CSMD3: variants seen among roughly 807,000 people sequenced by gnomAD.
The protein encoded by CSMD3 is CUB and Sushi multiple domains 3.
A neutral mutation model predicts 435.2 loss-of-function variants in CSMD3; 177 were observed. That is an observed-to-expected ratio of 0.41 (90% CI 0.36 to 0.46). CSMD3 has a LOEUF of 0.46. CSMD3 is among the 20% of genes least tolerant of loss of function. CSMD3 has a pLI of 0.34. For synonymous variants in CSMD3, 1,656 were observed against 1,520.5 expected (o/e 1.09, Z -2.07); for missense variants, 4,265 against 4,504.6 (o/e 0.95, Z 1.52).
intron 4 of CSMD3, among the ~76,000 whole-genome samples, chr8:113,133,844 TA>T (rs1564351830): frequency 6.6e-6 from 1 of 152,038 alleles, no homozygotes; most frequent in East Asian, 1.9e-4. Flanking sequence ...CTATCTGAAA[TA>T]GTCAAATTAA....
In CSMD3 at chr8:112,639,319, C is replaced by T. The variant is rs566743545; in HGVS notation, c.3311-408G>A. Among the ~76,000 whole-genome samples the T allele has an allele frequency of 4.6e-5, 7 of 152,180 alleles. No individual in the cohort carries two copies. In the East Asian group the frequency reaches 1.4e-3, roughly 29 times the overall value. On this transcript the variant is annotated intron_variant, in intron 20 of 70. Transcript: ENST00000297405. ...AAAAGCAATGCTTAATATTATAGCA[C>T]TTAACTTCCAAATATGCTTGTTTAT...
At chr8:112,257,288 C>G (rs1815902475) in intron 61 of CSMD3, among the ~76,000 whole-genome samples, 1 of 152,088 alleles carries the variant, frequency 6.6e-6, no homozygotes, top group Non-Finnish European at 1.5e-5. Flanking sequence ...CCAGAGTGAT[C>G]AGGCAAGATA....
At chr8:112,600,793 T>A (rs1224167413) in intron 22 of CSMD3, among the ~76,000 whole-genome samples, 1 of 151,996 alleles carries the variant, frequency 6.6e-6, no homozygotes, top group African/African-American at 2.4e-5. Context: ...TTCTCCTGCC[T>A]CAGCCTGCTG....
At chr8:113,399,384 G>A (rs1321557051) in intron 1 of CSMD3, among the ~76,000 whole-genome samples, 1 of 151,424 alleles carries the variant, frequency 6.6e-6, no homozygotes, top group East Asian at 1.9e-4. Context: ...CTTCTTAACA[G>A]CACTGTTATA....
rs577147576 is a variant in CSMD3, at chr8:112,514,719, C to T, written c.4756+2315G>A. ...CTTCTGTTTGGTACTTGCTATAAGA[C>T]TGACTGTTTCTATATGCAAGCAAGC... On this transcript the variant is annotated intron_variant, in intron 28 of 70. Transcript: ENST00000297405. Among the ~76,000 whole-genome samples the T allele has an allele frequency of 5.9e-4, 89 of 152,096 alleles. 1 individual carries two copies. The South Asian group carries it at 7.5e-3, about 13-fold the overall frequency.
At chr8:112,307,403 T>A (rs906581444) in intron 50 of CSMD3, among the ~76,000 whole-genome samples, 1 of 152,060 alleles carries the variant, frequency 6.6e-6, no homozygotes, top group African/African-American at 2.4e-5. Context: ...ACCTTCAGCC[T>A]CCTGAGTATC....
At chr8:113,160,998 C>T (rs1457264199) in intron 4 of CSMD3, among the ~76,000 whole-genome samples, 2 of 152,062 alleles carry the variant, frequency 1.3e-5, no homozygotes, top group African/African-American at 4.8e-5. Flanking sequence ...GGAATTAAAT[C>T]TGGCCTTTGG....
chr8:113,170,559 A>T (rs1221111192), intron 4 of CSMD3, among the ~76,000 whole-genome samples: 2 of 152,124 alleles, frequency 1.3e-5, no homozygotes, highest in Non-Finnish European at 1.5e-5. Flanking sequence ...CTTGCACTCA[A>T]TGGGCGATAT....
At chr8:112,665,251 T>C (rs1460070545) in intron 17 of CSMD3, among the ~76,000 whole-genome samples, 1 of 152,186 alleles carries the variant, frequency 6.6e-6, no homozygotes, top group South Asian at 2.1e-4. Context: ...CATACGAAGC[T>C]CTTCATATTT....
chr8:112,470,996 A>T (rs1318116954), intron 32 of CSMD3, among the ~76,000 whole-genome samples: 1 of 152,178 alleles, frequency 6.6e-6, no homozygotes, highest in Non-Finnish European at 1.5e-5. Context: ...AATTCAACTT[A>T]TATTAACCCT....
At chr8:112,361,531 G>A (rs1827202174) in intron 38 of CSMD3, among the ~76,000 whole-genome samples, 1 of 145,868 alleles carries the variant, frequency 6.9e-6, no homozygotes, top group South Asian at 2.1e-4. Flanking sequence ...TTCTGAATGT[G>A]TGTGTGTAAA....
At chr8:112,956,970 T>A (rs2084040849) in intron 7 of CSMD3, among the ~76,000 whole-genome samples, 1 of 152,074 alleles carries the variant, frequency 6.6e-6, no homozygotes, top group Admixed American at 6.6e-5. Context: ...ATTAACAACA[T>A]AAAATTTAAA....
intron 13 of CSMD3, among the ~76,000 whole-genome samples, chr8:112,708,232 G>A (rs1290685172): frequency 1.3e-5 from 2 of 151,944 alleles, no homozygotes; most frequent in Admixed American, 1.3e-4. Flanking sequence ...AGTAATTATA[G>A]TACAGAAGAA....
chr8:113,397,815 G>A (rs1444188333), intron 1 of CSMD3, among the ~76,000 whole-genome samples: 3 of 139,018 alleles, frequency 2.2e-5, no homozygotes, highest in East Asian at 2.1e-4. Context: ...GCGAGAGTCC[G>A]TCTCAAAAAT....
At chr8:112,501,986 A>G (rs1022847531) in intron 30 of CSMD3, among the ~76,000 whole-genome samples, 1 of 152,220 alleles carries the variant, frequency 6.6e-6, no homozygotes, top group South Asian at 2.1e-4. Flanking sequence ...AATAAGAAAT[A>G]TAAAAATATG....
chr8:113,006,542 T>C (rs993530612), intron 6 of CSMD3, among the ~76,000 whole-genome samples: 2 of 151,906 alleles, frequency 1.3e-5, no homozygotes, highest in African/African-American at 2.4e-5. Context: ...CTGGTGTCCA[T>C]GTCTGAAAAA....
intron 27 of CSMD3, among the ~76,000 whole-genome samples, chr8:112,521,920 T>C (rs1824325898): frequency 6.6e-6 from 1 of 151,712 alleles, no homozygotes; most frequent in Non-Finnish European, 1.5e-5. Flanking sequence ...ATAATAACCA[T>C]ATAAAAATAT....
At chr8:113,340,140 C>G (rs527844393) in intron 1 of CSMD3, among the ~76,000 whole-genome samples, 2 of 151,426 alleles carry the variant, frequency 1.3e-5, no homozygotes, top group East Asian at 3.9e-4. Flanking sequence ...TTGTTTTTGC[C>G]TTCTCTTAAT....
chr8:113,349,701 G>A (rs966186953), intron 1 of CSMD3, among the ~76,000 whole-genome samples: 9 of 152,010 alleles, frequency 5.9e-5, no homozygotes, highest in Admixed American at 2.0e-4. Context: ...AAACATCTAC[G>A]TGTTATCATG....
Sources: gnomAD v4.1 joint callset for allele counts (sites outside exome capture counted in the v4.1 genomes callset) on GRCh38, gnomAD v4.1.1 for gene constraint, MANE v1.5 for transcripts, NCBI Gene and HGNC (gene_info 2026-07-23, HGNC 2026-07-21) for gene names.